The following ATP8B4 variants were observed in gnomAD, a reference collection of about 807,000 sequenced individuals.
ATP8B4 encodes the protein ATPase phospholipid transporting 8B4 (putative), also known as probable phospholipid-transporting ATPase IM.
ATP8B4 carries 133 observed loss-of-function variants against 145.6 expected under a neutral mutation model. The observed-to-expected ratio is 0.91, with a 90% CI of 0.79 to 1.05. The LOEUF (loss-of-function observed/expected upper bound fraction) is 1.05, where lower values mean the gene tolerates loss of function less well. Among genes scored for constraint, ATP8B4 ranks in the 50% least tolerant of loss-of-function variants. ATP8B4 has a pLI of 0.00. For missense variants in ATP8B4, 1,458 were observed against 1,425.2 expected, an observed-to-expected ratio of 1.02 and a Z score of -0.37; for synonymous variants, 507 against 492.9, an observed-to-expected ratio of 1.03 and a Z score of -0.38.
chr15:50,074,207 A>G, intron 2 of ATP8B4, 22 bp from the exon 3 acceptor site: 2 of 1,594,144 alleles, frequency 1.3e-6, no homozygotes, highest in Non-Finnish European at 1.7e-6. Context: ...GAAATCAAGT[A>G]TGAAATTAAA....
Position 50,098,571 on chromosome 15 carries a change from A to G in ATP8B4, c.28+8368T>C, listed in dbSNP as rs373304153. ...AGCACTAGGATAACAGGCATGAGCCACCAAGCCCAGTCTACCACATGGTTT... is the reference window on the plus strand; with the variant it reads ...AGCACTAGGATAACAGGCATGAGCCGCCAAGCCCAGTCTACCACATGGTTT... On this transcript the variant is annotated intron_variant, in intron 2 of 27. Transcript: ENST00000284509. 4.2e-4 allele frequency among the ~76,000 whole-genome samples: 64 copies of G among 152,200 alleles called. 1 individual carries two copies. The highest frequency in any genetic ancestry group is 1.5e-3 in the African/African-American group (61 of 41,514).
intron 17 of ATP8B4, among the ~76,000 whole-genome samples, chr15:49,921,120 T>C (rs2040219627): frequency 6.6e-6 from 1 of 152,150 alleles, no homozygotes; most frequent in South Asian, 2.1e-4. Context: ...GAAAAGCTAA[T>C]ATAGGTGGTT....
chr15:49,923,505 A>G lies in ATP8B4; in HGVS notation c.1643-11T>C. ...CTTCTGGGTTTCGAACTGAAAAGAA[A>G]AAAGTTTGGAAAAGCAGAATATAAT... is the stretch of plus-strand genomic sequence containing the variant. On this transcript the variant is annotated splice_polypyrimidine_tract_variant and intron_variant, in intron 16 of 27. Coordinates refer to ENST00000284509, the MANE Select transcript of ATP8B4 (RefSeq NM_024837.4). 1 of 1,536,612 alleles carries G rather than the reference A, an allele frequency of 6.5e-7. No homozygotes were observed. The highest frequency in any genetic ancestry group is 8.9e-7 in the Non-Finnish European group (1 of 1,123,482).
At chr15:49,866,269 C>G (rs911146468) in intron 26 of ATP8B4, 77 bp downstream of exon 26, 20 of 1,528,444 alleles carry the variant, frequency 1.3e-5, no homozygotes, top group Non-Finnish European at 1.8e-5. Context: ...CCAGCTCTAC[C>G]TAACACAAAA....
At chr15:49,913,713 C>G (rs1179295824) in intron 20 of ATP8B4, among the ~76,000 whole-genome samples, 3 of 152,068 alleles carry the variant, frequency 2.0e-5, no homozygotes, top group African/African-American at 7.2e-5. Context: ...AGTAGTGTTT[C>G]TATACACCAA....
At chr15:49,868,307 A>C (rs1437052130) in intron 25 of ATP8B4, among the ~76,000 whole-genome samples, 1 of 152,244 alleles carries the variant, frequency 6.6e-6, no homozygotes, top group Non-Finnish European at 1.5e-5. Context: ...GTTCCTAAAG[A>C]AAAAGACTGA....
intron 5 of ATP8B4, 144 bp downstream of exon 5, chr15:50,044,450 A>C (rs2051562913): frequency 1.9e-6 from 1 of 528,588 alleles, no homozygotes; most frequent in African/African-American, 1.9e-5. Flanking sequence ...ACCTGTATTA[A>C]TCATCAAACA....
intron 1 of ATP8B4, among the ~76,000 whole-genome samples, chr15:50,133,714 G>C (rs1317413236): frequency 6.6e-6 from 1 of 152,154 alleles, no homozygotes; most frequent in African/African-American, 2.4e-5. Context: ...CAAAATTTAT[G>C]AACTTTCAGT....
chr15:50,118,687 C>T (rs2057222939), intron 1 of ATP8B4, among the ~76,000 whole-genome samples: 1 of 152,156 alleles, frequency 6.6e-6, no homozygotes, highest in Non-Finnish European at 1.5e-5. Context: ...AGAGGGATAG[C>T]TCAGTGCAAA....
chr15:50,095,225 A>G (rs2055891905), intron 2 of ATP8B4, among the ~76,000 whole-genome samples: 1 of 152,134 alleles, frequency 6.6e-6, no homozygotes, highest in Non-Finnish European at 1.5e-5. Context: ...ACTATGAACC[A>G]TGTCATATAT....
At chr15:49,924,784 T>G (rs780824688) in intron 16 of ATP8B4, among the ~76,000 whole-genome samples, 2 of 152,200 alleles carry the variant, frequency 1.3e-5, no homozygotes, top group Non-Finnish European at 2.9e-5. Flanking sequence ...TCATGTGGGT[T>G]TTCTTGTACT....
At chr15:49,899,533 T>C (rs1192999215) in intron 21 of ATP8B4, among the ~76,000 whole-genome samples, 1 of 152,206 alleles carries the variant, frequency 6.6e-6, no homozygotes, top group Non-Finnish European at 1.5e-5. Context: ...TGTTCAAACC[T>C]ATAATTCCTA....
At chr15:49,861,639 G>A (rs1004285099) in intron 27 of ATP8B4, among the ~76,000 whole-genome samples, 1 of 151,980 alleles carries the variant, frequency 6.6e-6, no homozygotes, top group Admixed American at 6.5e-5. Flanking sequence ...AGTTGATATT[G>A]TCCTACTTAC....
intron 2 of ATP8B4, among the ~76,000 whole-genome samples, chr15:50,096,598 G>A (rs7178944): frequency 0.73 from 110,322 of 152,032 alleles, 41,030 homozygotes; most frequent in African/African-American, 0.91. Context: ...ATTCTAGACC[G>A]CACCTAGGAC....
rs1269046741 is a variant in ATP8B4, at chr15:50,172,930, G to A, written c.-43+9331C>T. ...GGCAGCCGCCCCGTCCGGGAAGTGA[G>A]GAGCGTCTCCGCCCGGCAGCCGCCC... On this transcript the variant is annotated intron_variant, in intron 1 of 3. Coordinates refer to the ATP8B4 transcript ENST00000558829. Among the ~76,000 whole-genome samples the A allele has an allele frequency of 2.7e-5, 4 of 148,278 alleles. No homozygotes were observed. The East Asian group carries it at 6.0e-4, about 22-fold the overall frequency.
intron 1 of ATP8B4, among the ~76,000 whole-genome samples, chr15:50,129,930 G>C (rs1263296996): frequency 1.6e-5 from 2 of 125,416 alleles, no homozygotes; most frequent in Non-Finnish European, 3.1e-5. Flanking sequence ...CCTGGTGACA[G>C]AGCAAGACTC....
chr15:50,119,105 T>A lies in ATP8B4; in HGVS notation c.-43+18A>T, dbSNP rs2057232199. 6.6e-6 allele frequency: 1 copy of A among 152,222 alleles called. No individual in the cohort carries two copies. Among genetic ancestry groups the A allele is most frequent in the African/African-American group, 2.4e-5 (1 of 41,436 alleles). 9.4% of individuals were successfully genotyped at this position (152,222 alleles called of 1,614,324 possible). On this transcript the variant is annotated intron_variant, in intron 1 of 27. Transcript: ENST00000284509. ...CCACTTCATCTCACTAACCATTGAA[T>A]GCTACCCATCTACTCACCTCAACCC...
chr15:50,096,867 A>C (rs2056022404), intron 2 of ATP8B4, among the ~76,000 whole-genome samples: 1 of 152,220 alleles, frequency 6.6e-6, no homozygotes. Context: ...AAAACATAGA[A>C]GAGAACTCAT....
chr15:49,906,973 T>C (rs1260135503), intron 20 of ATP8B4, among the ~76,000 whole-genome samples: 1 of 152,282 alleles, frequency 6.6e-6, no homozygotes, highest in East Asian at 1.9e-4. Flanking sequence ...AAAGGGATTT[T>C]AGAAACTGAA....
Sources: gnomAD v4.1 joint callset for allele counts (sites outside exome capture counted in the v4.1 genomes callset) on GRCh38, gnomAD v4.1.1 for gene constraint, MANE v1.5 for transcripts, NCBI Gene and HGNC (gene_info 2026-07-23, HGNC 2026-07-21) for gene names.